Variants in PCDH15 observed in about 807,000 individuals in gnomAD.
PCDH15 encodes protocadherin-15.
In PCDH15, 129 loss-of-function variants were observed where a neutral mutation model predicts 178.5. The observed-to-expected ratio is 0.72, with a 90% CI of 0.63 to 0.84. PCDH15 has a LOEUF of 0.84. Ranked by LOEUF, PCDH15 falls within the 40% of genes least tolerant of loss-of-function variation. The pLI, the probability that PCDH15 is intolerant of heterozygous loss-of-function variation, is 0.00. For synonymous variants in PCDH15, 800 were observed against 732.0 expected, an observed-to-expected ratio of 1.09 and a Z score of -1.50; for missense variants, 2,230 against 2,099.9, an observed-to-expected ratio of 1.06 and a Z score of -1.21.
intron 1 of PCDH15, among the ~76,000 whole-genome samples, chr10:55,276,621 G>T (rs1842604564): frequency 6.6e-6 from 1 of 151,296 alleles, no homozygotes; most frequent in African/African-American, 2.4e-5. Flanking sequence ...ATTATCATTA[G>T]AAATTTTGCA....
chr10:54,951,663 T>C (rs915034252), intron 2 of PCDH15, among the ~76,000 whole-genome samples: 4 of 151,894 alleles, frequency 2.6e-5, no homozygotes, highest in Non-Finnish European at 4.4e-5. Context: ...GGTTATAGCA[T>C]TTTGCATTCT....
At chr10:55,218,951 C>A (rs1840790150) in intron 1 of PCDH15, among the ~76,000 whole-genome samples, 1 of 151,954 alleles carries the variant, frequency 6.6e-6, no homozygotes, top group Admixed American at 6.6e-5. Context: ...TTGTTGATTT[C>A]TCCATTTATA....
chr10:55,585,824 T>C (rs1047760548), intron 2 of PCDH15, among the ~76,000 whole-genome samples: 1 of 152,210 alleles, frequency 6.6e-6, no homozygotes, highest in African/African-American at 2.4e-5. Context: ...TAATTTTAAA[T>C]AGAATGGAAA....
In PCDH15 at chr10:53,822,071, G is replaced by A. The variant is rs758953502; in HGVS notation, c.4368-1841C>T. 6.8e-6 allele frequency: 11 copies of A among 1,613,914 alleles called. No individual in the cohort carries two copies. The highest frequency in any genetic ancestry group is 2.2e-5 in the East Asian group (1 of 44,894). ...TTTCAAGTTCTGCTAAGTTTTTAACGTGTCTGAGGATGCCTTTTGGTTCTC... is the reference window on the plus strand; with the variant it reads ...TTTCAAGTTCTGCTAAGTTTTTAACATGTCTGAGGATGCCTTTTGGTTCTC... On this transcript the variant is annotated intron_variant, in intron 32 of 37. Transcript: ENST00000644397.
intron 26 of PCDH15, among the ~76,000 whole-genome samples, chr10:53,875,456 C>G (rs1423809074): frequency 6.6e-6 from 1 of 151,878 alleles, no homozygotes; most frequent in Non-Finnish European, 1.5e-5. Flanking sequence ...TAAATGAATA[C>G]AATTTACTAA....
At chr10:53,832,120 G>C (rs1416974811) in intron 29 of PCDH15, among the ~76,000 whole-genome samples, 2 of 151,104 alleles carry the variant, frequency 1.3e-5, no homozygotes, top group Non-Finnish European at 2.9e-5. Flanking sequence ...TGGTCAAATG[G>C]TGAAGACATT....
At chr10:53,939,492 G>T (rs889873058) in intron 24 of PCDH15, among the ~76,000 whole-genome samples, 4 of 151,962 alleles carry the variant, frequency 2.6e-5, no homozygotes, top group Admixed American at 2.6e-4. Context: ...AAATAAATTT[G>T]AATGAAAATC....
intron 3 of PCDH15, chr10:54,864,625 G>A (rs1953903309): frequency 6.6e-6 from 1 of 152,132 alleles, no homozygotes; most frequent in African/African-American, 2.4e-5. Flanking sequence ...AGGTTTTTGG[G>A]AGGTTGCAGT....
rs1294214109 is a variant in PCDH15 at position 54,214,036 on chromosome 10, T to A, written c.998A>T (p.Asp333Val). 1 of 1,576,536 alleles carries A rather than the reference T, an allele frequency of 6.3e-7. No individual in the cohort carries two copies. Among genetic ancestry groups the A allele is most frequent in the East Asian group, 2.2e-5 (1 of 44,594 alleles). Residue 333 changes from aspartate (D) to valine (V), a missense_variant, in exon 10 of 38, where the codon GAT (aspartate) becomes GTT (valine). Transcript: ENST00000644397. ...LYSILVGTPE[D>V]YPRFFHMHPR... The stretch of plus-strand genomic sequence containing the variant: ...ATGCATATGGAAAAATCGTGGGTAA[T>A]CCTCAGGAGTCCCTGGAAGACATTG...
chr10:55,168,304 T>C (rs939432232), intron 1 of PCDH15, among the ~76,000 whole-genome samples: 4 of 152,166 alleles, frequency 2.6e-5, no homozygotes, highest in Non-Finnish European at 5.9e-5. Context: ...CAAGTTTCCA[T>C]AGAACAAATT....
chr10:55,270,931 G>A (rs1366594093), intron 1 of PCDH15, among the ~76,000 whole-genome samples: 1 of 152,012 alleles, frequency 6.6e-6, no homozygotes, highest in African/African-American at 2.4e-5. Context: ...TATGGTACAC[G>A]TACACCATGG....
At chr10:54,890,695 C>G (rs1252991329) in intron 3 of PCDH15, among the ~76,000 whole-genome samples, 1 of 151,912 alleles carries the variant, frequency 6.6e-6, no homozygotes, top group African/African-American at 2.4e-5. Context: ...CTTGGGATAC[C>G]ATTTGTCTTT....
At chr10:55,383,849 A>G (rs2132004627) in intron 2 of PCDH15, among the ~76,000 whole-genome samples, 1 of 152,288 alleles carries the variant, frequency 6.6e-6, no homozygotes, top group Non-Finnish European at 1.5e-5. Context: ...TATCTGAAGA[A>G]ACCAGATGTT....
intron 1 of PCDH15, among the ~76,000 whole-genome samples, chr10:54,734,790 GA>G (rs1224991213): frequency 6.6e-6 from 1 of 151,852 alleles, no homozygotes; most frequent in Non-Finnish European, 1.5e-5. Context: ...TATCCTAACT[GA>G]AAAAAGTCAG....
intron 2 of PCDH15, among the ~76,000 whole-genome samples, chr10:55,335,152 T>C (rs935049752): frequency 2.0e-5 from 3 of 152,156 alleles, no homozygotes; most frequent in East Asian, 3.9e-4. Flanking sequence ...AACCCAGAAG[T>C]GCAGCTTTTT....
chr10:55,040,649 T>C (rs1378439471), intron 2 of PCDH15, among the ~76,000 whole-genome samples: 1 of 152,182 alleles, frequency 6.6e-6, no homozygotes, highest in East Asian at 1.9e-4. Context: ...AACATATGCA[T>C]GGACACTCAC....
chr10:54,840,995 C>T (rs1331214340), intron 3 of PCDH15, among the ~76,000 whole-genome samples: 1 of 151,678 alleles, frequency 6.6e-6, no homozygotes, highest in Non-Finnish European at 1.5e-5. Context: ...TTCACCACCC[C>T]AATTTCCATA....
At chr10:55,340,211 T>C (rs867723559) in intron 2 of PCDH15, among the ~76,000 whole-genome samples, 11 of 150,852 alleles carry the variant, frequency 7.3e-5, no homozygotes, top group African/African-American at 2.7e-4. Context: ...TAATTGTATA[T>C]ATATAAAATA....
chr10:54,546,176 T>A (rs2085832784), intron 2 of PCDH15, among the ~76,000 whole-genome samples: 1 of 152,214 alleles, frequency 6.6e-6, no homozygotes, highest in Admixed American at 6.5e-5. Flanking sequence ...AGTTTTCTGA[T>A]GCTTCTAAGT....
Sources: allele counts gnomAD v4.1 joint callset (sites outside exome capture counted in the v4.1 genomes callset), GRCh38; gene constraint gnomAD v4.1.1; transcripts MANE v1.5; gene names NCBI Gene and HGNC (gene_info 2026-07-23, HGNC 2026-07-21).